The following HHLA2 variants were observed in gnomAD, a reference collection of about 807,000 sequenced individuals.
HHLA2 encodes the protein HHLA2 member of B7 family, also known as HERV-H LTR-associating protein 2.
HHLA2 carries 48 observed loss-of-function variants against 45.9 expected under a neutral mutation model. The ratio of observed to expected loss-of-function variants is 1.05; its 90% confidence interval spans 0.83 to 1.33. The LOEUF is 1.33. HHLA2 is among the 40% of genes most tolerant of loss of function. HHLA2 has a pLI of 0.00. For missense variants in HHLA2, 462 were observed against 494.3 expected (o/e 0.93, Z 0.62); for synonymous variants, 161 against 173.9 (o/e 0.93, Z 0.59).
chr3:108,308,236 C>A (rs1168607697), intron 1 of HHLA2, among the ~76,000 whole-genome samples: 1 of 152,134 alleles, frequency 6.6e-6, no homozygotes, highest in Non-Finnish European at 1.5e-5. Context: ...ATTTTTAGAT[C>A]CAACAAACGA....
chr3:108,321,102 A>AAAAAAAAAAAAAAAAAAAAAAAAT, intron 2 of HHLA2, among the ~76,000 whole-genome samples: 1 of 150,138 alleles, frequency 6.7e-6, no homozygotes, highest in Non-Finnish European at 1.5e-5. Flanking sequence ...AAAAAAAAAA[A>AAAAAAAAAAAAAAAAAAAAAAAAT]AAAAAAAAAA....
At chr3:108,373,033 G>T (rs1054455736) in intron 8 of HHLA2, among the ~76,000 whole-genome samples, 1 of 152,022 alleles carries the variant, frequency 6.6e-6, no homozygotes, top group African/African-American at 2.4e-5. Flanking sequence ...CCAAAAAAGA[G>T]AATTTTAGAC....
intron 2 of HHLA2, among the ~76,000 whole-genome samples, chr3:108,319,444 C>T (rs922278897): frequency 2.0e-5 from 3 of 152,172 alleles, no homozygotes; most frequent in Non-Finnish European, 4.4e-5. Context: ...TTCTCCTTGT[C>T]CTTCTTGAAT....
At chr3:108,357,922 A>G in exon 7 of HHLA2, 1 of 1,613,828 alleles carries the variant, frequency 6.2e-7, no homozygotes. Context: ...CCAAACCAAG[A>G]CTTCAAAGTT....
chr3:108,322,736 T>C (rs531825520), intron 2 of HHLA2, among the ~76,000 whole-genome samples: 8 of 152,374 alleles, frequency 5.3e-5, no homozygotes, highest in African/African-American at 1.9e-4. Flanking sequence ...TAATACAATG[T>C]GTTCTCACCT....
chr3:108,301,832 C>T (rs962765672), intron 1 of HHLA2, among the ~76,000 whole-genome samples: 6 of 152,138 alleles, frequency 3.9e-5, no homozygotes, highest in African/African-American at 1.4e-4. Context: ...TACCTTAACT[C>T]CTCTATTGTT....
intron 8 of HHLA2, among the ~76,000 whole-genome samples, chr3:108,370,069 G>A (rs575980561): frequency 1.8e-4 from 27 of 152,354 alleles, no homozygotes; most frequent in African/African-American, 6.3e-4. Context: ...CCCAGTAGGG[G>A]CGGACTCACA....
At chr3:108,354,980 CT>C (rs1351251414) in intron 5 of HHLA2, 134 bp from the exon 5 acceptor site, 7 of 845,310 alleles carry the variant, frequency 8.3e-6, no homozygotes, top group Non-Finnish European at 1.3e-5. Context: ...TTTGTTTTCC[CT>C]TTCAGTAACT....
chr3:108,361,737 A>G (rs552501395), intron 7 of HHLA2, among the ~76,000 whole-genome samples: 1 of 152,078 alleles, frequency 6.6e-6, no homozygotes, highest in South Asian at 2.1e-4. Context: ...GCGGGGGACT[A>G]CTGTGCCTAT....
intron 3 of HHLA2, among the ~76,000 whole-genome samples, chr3:108,342,456 G>T (rs955099806): frequency 2.0e-5 from 3 of 151,716 alleles, no homozygotes; most frequent in African/African-American, 7.3e-5. Context: ...GTAGAGACAG[G>T]GTTTCGCCAT....
intron 3 of HHLA2, among the ~76,000 whole-genome samples, chr3:108,333,618 A>G (rs2081423639): frequency 7.6e-6 from 1 of 131,470 alleles, no homozygotes; most frequent in African/African-American, 2.8e-5. Context: ...AAAAAAAAAA[A>G]AAAATTAATT....
In HHLA2 at chr3:108,358,281, C is replaced by T. The variant is rs573075221; in HGVS notation, c.1003+120C>T. ...CATTGATACCCTCTCAAAATATAATCCACAGGGATATTTCTGGTCAGGATG... is the reference window on the plus strand; with the variant it reads ...CATTGATACCCTCTCAAAATATAATTCACAGGGATATTTCTGGTCAGGATG... On this transcript the variant is annotated intron_variant, in intron 7 of 10. Coordinates refer to ENST00000619531, the Ensembl canonical transcript of HHLA2. The T allele has an allele frequency of 3.2e-3, 2,112 of 665,970 alleles. 11 individuals are homozygous for T. The highest frequency in any genetic ancestry group is 3.4e-3 in the Non-Finnish European group (1,421 of 415,300). The allele number at this position is 665,970 out of a possible 1,614,324, so 41.3% of individuals were successfully genotyped here.
intron 8 of HHLA2, among the ~76,000 whole-genome samples, chr3:108,366,867 C>T (rs531310920): frequency 1.3e-5 from 2 of 152,038 alleles, no homozygotes; most frequent in Admixed American, 1.3e-4. Flanking sequence ...TTCTTTTCTT[C>T]TTTATTAGTC....
intron 1 of HHLA2, among the ~76,000 whole-genome samples, chr3:108,303,119 G>A (rs1231985837): frequency 6.6e-6 from 1 of 152,166 alleles, no homozygotes; most frequent in Non-Finnish European, 1.5e-5. Context: ...TTCCTACAAT[G>A]TGGAAACTTT....
At chr3:108,360,569 A>G (rs745865815) in intron 7 of HHLA2, among the ~76,000 whole-genome samples, 1 of 152,232 alleles carries the variant, frequency 6.6e-6, no homozygotes, top group Non-Finnish European at 1.5e-5. Context: ...TTATACCATG[A>G]CAGTCAGTCT....
chr3:108,311,061 T>C (rs1576099940), intron 2 of HHLA2, among the ~76,000 whole-genome samples: 1 of 152,308 alleles, frequency 6.6e-6, no homozygotes, highest in East Asian at 1.9e-4. Flanking sequence ...GGGGTATGTG[T>C]CTGTATCTAG....
intron 8 of HHLA2, among the ~76,000 whole-genome samples, chr3:108,368,921 A>C (rs1347175301): frequency 6.6e-6 from 1 of 152,202 alleles, no homozygotes; most frequent in Non-Finnish European, 1.5e-5. Context: ...TCAACAGAAT[A>C]TACATTCTTC....
At chr3:108,354,763 A>T (rs1331468416) in intron 5 of HHLA2, among the ~76,000 whole-genome samples, 1 of 152,164 alleles carries the variant, frequency 6.6e-6, no homozygotes, top group African/African-American at 2.4e-5. Flanking sequence ...TCAGTATTTG[A>T]GGAGTGTAGA....
At chr3:108,301,433 C>T (rs755207568) in intron 1 of HHLA2, among the ~76,000 whole-genome samples, 6 of 152,050 alleles carry the variant, frequency 3.9e-5, no homozygotes, top group South Asian at 2.1e-4. Context: ...ATTCCAAACA[C>T]GTTTGTTGTT....
Sources: gnomAD v4.1 joint callset for allele counts (sites outside exome capture counted in the v4.1 genomes callset) on GRCh38, gnomAD v4.1.1 for gene constraint, MANE v1.5 for transcripts, NCBI Gene and HGNC (gene_info 2026-07-23, HGNC 2026-07-21) for gene names.